RBP4: variants seen among roughly 807,000 people sequenced by gnomAD.
RBP4 encodes retinol binding protein 4, also known as retinol-binding protein 4.
RBP4 carries 9 observed loss-of-function variants against 26.2 expected under a neutral mutation model. That is an observed-to-expected ratio of 0.34 (90% confidence interval 0.21 to 0.60). The LOEUF is 0.60. Ranked by LOEUF, RBP4 falls within the 20% of genes least tolerant of loss-of-function variation. The pLI, the probability that RBP4 is intolerant of heterozygous loss-of-function variation, is 0.80. For synonymous variants in RBP4, 114 were observed against 111.0 expected (o/e 1.03, Z -0.17); for missense variants, 244 against 271.3 (o/e 0.90, Z 0.71).
chr10:93,601,150 G>C, intron 1 of RBP4, 21 bp downstream of exon 1: 1 of 1,241,006 alleles, frequency 8.1e-7, no homozygotes, highest in South Asian at 1.5e-5. Context: ...CGCCGGCCCC[G>C]AGGCCCCGGC....
In RBP4 at chr10:93,600,969, G is replaced by T; in HGVS notation, c.60C>A (p.Arg20=). The T allele has an allele frequency of 6.2e-7, 1 of 1,612,378 alleles. No homozygotes were observed. The highest frequency in any genetic ancestry group is 8.5e-7 in the Non-Finnish European group (1 of 1,179,744). Residue 20 remains arginine, a synonymous_variant, in exon 2 of 6, where the codon CGC becomes CGA. Coordinates refer to ENST00000371464, the MANE Select transcript of RBP4 (RefSeq NM_006744.4). ...LAALGSGRAE[R]DCRVSSFRVK... is the part of the protein sequence containing the mutation. ...CTCGGAAGCTGCTCACTCGGCAGTC[G>T]CGCTCCGCGCGGCCGCTGCCCAGCG...
At chr10:93,593,711 C>A (rs1336725273) in intron 5 of RBP4, 112 bp downstream of exon 5, 1 of 1,262,168 alleles carries the variant, frequency 7.9e-7, no homozygotes, top group Non-Finnish European at 1.1e-6. Flanking sequence ...CTCCCAAGAA[C>A]CCCTGTTTTC....
At chr10:93,598,524 C>T (rs906964112) in intron 4 of RBP4, among the ~76,000 whole-genome samples, 3 of 152,322 alleles carry the variant, frequency 2.0e-5, no homozygotes, top group South Asian at 4.1e-4. Context: ...TATCCTTAAG[C>T]CTTCCATATT....
In RBP4 at chr10:93,593,931, C is replaced by T. The variant is rs759129264; in HGVS notation, c.460G>A (p.Val154Met). 28 of 1,613,948 alleles carry T rather than the reference C, an allele frequency of 1.7e-5. No homozygotes were observed. Among genetic ancestry groups the T allele is most frequent in the Middle Eastern group, 1.7e-4 (1 of 6,056 alleles). Residue 154 changes from valine to methionine, a missense_variant, in exon 5 of 6, where the codon GTG (valine) becomes ATG (methionine). Coordinates refer to ENST00000371464, the MANE Select transcript of RBP4 (RefSeq NM_006744.4). ...AGGCCGTTGGGGTCCCGGGAAAACA[C>T]GAAGGAGTAGCTGTCAGCACAGGTG... ...DGTCADSYSF[V>M]FSRDPNGLPP...
Position 93,601,004 on chromosome 10 carries a change from G to C in RBP4, c.25C>G (p.Leu9Val). The change falls in exon 2 of 6, where the codon CTG becomes GTG. Residue 9 changes from leucine (L) to valine (V), a missense_variant. By Grantham distance (32) the Leu-to-Val change is conservative (BLOSUM62 1). Transcript: ENST00000371464. MKWVWALL[L>V]LAALGSGRAE... ...CGGCCGCTGCCCAGCGCCGCCAACA[G>C]CAAGAGCGCCCACACCCACTTCATC... 1 of 1,611,826 alleles carries C rather than the reference G, an allele frequency of 6.2e-7. No individual in the cohort carries two copies. The highest frequency in any genetic ancestry group is 1.1e-5 in the South Asian group (1 of 91,070).
At chr10:93,596,964 C>T (rs183371664) in intron 4 of RBP4, among the ~76,000 whole-genome samples, 287 of 152,312 alleles carry the variant, frequency 1.9e-3, no homozygotes, top group African/African-American at 6.5e-3. Flanking sequence ...CCCCAACAGG[C>T]CCCAGAAAAG....
intron 5 of RBP4, among the ~76,000 whole-genome samples, chr10:93,592,974 C>T (rs140236831): frequency 0.022 from 3,333 of 152,162 alleles, 96 homozygotes; most frequent in African/African-American, 0.072. Flanking sequence ...CATGCCACCA[C>T]GCCTGGCTAA....
At chr10:93,601,526 G>T, upstream of RBP4, 1 of 676,048 alleles carries the variant, frequency 1.5e-6, no homozygotes, top group Non-Finnish European at 2.5e-6. Context: ...CTGCGGTCTA[G>T]GGTGGCCTCC....
At chr10:93,596,178 A>G (rs1205000750) in intron 4 of RBP4, among the ~76,000 whole-genome samples, 1 of 149,866 alleles carries the variant, frequency 6.7e-6, no homozygotes, top group African/African-American at 2.5e-5. Context: ...GGCAGCTATT[A>G]GCTTGGCCGA....
At chr10:93,595,645 A>C (rs887331984) in intron 4 of RBP4, among the ~76,000 whole-genome samples, 3 of 152,242 alleles carry the variant, frequency 2.0e-5, no homozygotes, top group African/African-American at 7.2e-5. Flanking sequence ...AGAAGCGCAG[A>C]GGGAACTGGA....
chr10:93,601,242 G>C (rs1589687512), upstream of RBP4: 1 of 1,225,876 alleles, frequency 8.2e-7, no homozygotes, highest in Non-Finnish European at 1.0e-6. Context: ...AGGCGAGCGC[G>C]CCGCGGCCGC....
chr10:93,597,392 A>G (rs763789091), intron 4 of RBP4, among the ~76,000 whole-genome samples: 13 of 152,228 alleles, frequency 8.5e-5, no homozygotes, highest in Middle Eastern at 3.2e-3. Flanking sequence ...TTTATTGAGC[A>G]CTTACTATGC....
At position 93,600,961 on chromosome 10, in the gene RBP4, C is replaced by A; in HGVS notation, c.68G>T (p.Arg23Leu). Residue 23 changes from arginine (R) to leucine (L), a missense_variant, in exon 2 of 6, where the codon CGA becomes CTA. Transcript: ENST00000371464. ...LGSGRAERDCRVSSFRVKENF... is the reference protein window; with the variant it reads ...LGSGRAERDCLVSSFRVKENF... ...CTCCTTGACTCGGAAGCTGCTCACTCGGCAGTCGCGCTCCGCGCGGCCGCT... is the reference window on the plus strand; with the variant it reads ...CTCCTTGACTCGGAAGCTGCTCACTAGGCAGTCGCGCTCCGCGCGGCCGCT... 6.2e-7 allele frequency: 1 copy of A among 1,612,448 alleles called. No individual in the cohort carries two copies. Among genetic ancestry groups the A allele is most frequent in the Non-Finnish European group, 8.5e-7 (1 of 1,179,730 alleles).
chr10:93,592,034 C>A lies in RBP4; in HGVS notation c.*41G>T, dbSNP rs375067243. On this transcript the variant is annotated 3_prime_UTR_variant, in exon 6 of 6. Coordinates refer to ENST00000371464, the MANE Select transcript of RBP4 (RefSeq NM_006744.4). ...GATAAATAGAGCTGAAGACTGAGAG[C>A]TAATCAGAAGTTCTCAGATGAAACT... The A allele has an allele frequency of 8.8e-5, 135 of 1,542,426 alleles. 1 individual carries two copies. Among genetic ancestry groups the A allele is most frequent in the Non-Finnish European group, 1.2e-4 (132 of 1,114,800 alleles).
intron 2 of RBP4, 31 bp from the exon 3 acceptor site, chr10:93,600,834 G>A: frequency 1.2e-6 from 2 of 1,602,148 alleles, no homozygotes; most frequent in South Asian, 1.1e-5. Context: ...GGGGTTTGGC[G>A]TCCGGGGGCG....
At chr10:93,598,515 A>G (rs1430967505) in intron 4 of RBP4, among the ~76,000 whole-genome samples, 1 of 152,264 alleles carries the variant, frequency 6.6e-6, no homozygotes, top group Non-Finnish European at 1.5e-5. Flanking sequence ...GAAGGAATTT[A>G]TCCTTAAGCC....
chr10:93,595,669 G>C (rs2058298411), intron 4 of RBP4, among the ~76,000 whole-genome samples: 3 of 152,254 alleles, frequency 2.0e-5, no homozygotes, highest in African/African-American at 4.8e-5. Flanking sequence ...CCCAGCGTTA[G>C]AGGGTGTAAG....
At chr10:93,601,138 G>GCGGC in intron 1 of RBP4, 33 bp downstream of exon 1, 1 of 896,144 alleles carries the variant, frequency 1.1e-6, no homozygotes. Flanking sequence ...GGCCCATCCC[G>GCGGC]CCGCCGGCCC....
rs760604288 is a variant in RBP4, at chr10:93,593,873, C to T, written c.518G>A (p.Arg173Gln). 7.4e-6 allele frequency: 12 copies of T among 1,612,928 alleles called. No homozygotes were observed. The highest frequency in any genetic ancestry group is 3.8e-4 in the Middle Eastern group (2 of 5,326). Residue 173 changes from arginine to glutamine, a missense_variant, in exon 5 of 6, where the codon CGG (arginine) becomes CAG (glutamine). Transcript: ENST00000371464. ...CCTGGCCAGGCACAGCTCCTCCTGC[C>T]GCTGCCTTACAATCTTCTGCGCTTC... is the stretch of plus-strand genomic sequence containing the variant. ...PPEAQKIVRQ[R>Q]QEELCLARQY...
Sources: gnomAD v4.1 joint callset for allele counts (sites outside exome capture counted in the v4.1 genomes callset) on GRCh38, gnomAD v4.1.1 for gene constraint, MANE v1.5 for transcripts, NCBI Gene and HGNC (gene_info 2026-07-23, HGNC 2026-07-21) for gene names.